ROBO2: variants seen among roughly 807,000 people sequenced by gnomAD.
ROBO2 encodes roundabout guidance receptor 2.
Under a neutral mutation model 160.8 loss-of-function variants are expected in ROBO2, and 53 were observed. The observed-to-expected ratio is 0.33, with a 90% confidence interval of 0.26 to 0.41. ROBO2 has a LOEUF of 0.41. ROBO2 is among the 10% of genes least tolerant of loss of function. ROBO2 has a pLI of 1.00. For synonymous variants in ROBO2, 664 were observed against 611.7 expected (o/e 1.09, Z -1.26); for missense variants, 1,577 against 1,722.4 (o/e 0.92, Z 1.49).
intron 2 of ROBO2, among the ~76,000 whole-genome samples, chr3:76,330,370 G>T (rs2073390465): frequency 6.6e-6 from 1 of 152,110 alleles, no homozygotes; most frequent in Non-Finnish European, 1.5e-5. Context: ...CCATTAAATA[G>T]CATTTTTGAT....
intron 2 of ROBO2, among the ~76,000 whole-genome samples, chr3:76,225,255 G>A (rs1195345618): frequency 2.0e-5 from 3 of 152,026 alleles, no homozygotes; most frequent in Non-Finnish European, 4.4e-5. Flanking sequence ...GCTTTCAGAA[G>A]TTTATTATGT....
intron 2 of ROBO2, among the ~76,000 whole-genome samples, chr3:77,476,922 A>G (rs2084081998): frequency 6.6e-6 from 1 of 152,088 alleles, no homozygotes; most frequent in South Asian, 2.1e-4. Flanking sequence ...GTGTAATGAA[A>G]ACAGTGTGGA....
chr3:77,580,320 C>G (rs182639546), intron 16 of ROBO2, among the ~76,000 whole-genome samples: 2 of 151,992 alleles, frequency 1.3e-5, no homozygotes, highest in African/African-American at 4.8e-5. Flanking sequence ...GTCCCAGAGC[C>G]TTATTAAAAT....
chr3:76,300,549 A>T (rs1404103519), intron 2 of ROBO2, among the ~76,000 whole-genome samples: 1 of 151,924 alleles, frequency 6.6e-6, no homozygotes, highest in Non-Finnish European at 1.5e-5. Context: ...GACTAATGGG[A>T]AGCTATTTTG....
intron 2 of ROBO2, among the ~76,000 whole-genome samples, chr3:76,235,249 A>G (rs1189049112): frequency 6.6e-6 from 1 of 152,174 alleles, no homozygotes. Context: ...ATTTAGACAC[A>G]GAAACCTCCC....
intron 2 of ROBO2, among the ~76,000 whole-genome samples, chr3:77,215,827 G>C (rs1422618071): frequency 2.6e-5 from 4 of 152,202 alleles, no homozygotes; most frequent in African/African-American, 7.2e-5. Flanking sequence ...AGGTCTGTTG[G>C]AGTTTGCTGG....
chr3:76,403,062 A>C (rs2077933152), intron 2 of ROBO2, among the ~76,000 whole-genome samples: 1 of 151,642 alleles, frequency 6.6e-6, no homozygotes, highest in Non-Finnish European at 1.5e-5. Context: ...TGCGTGATTC[A>C]TTCTAGATAC....
intron 7 of ROBO2, among the ~76,000 whole-genome samples, chr3:77,546,708 A>G (rs1391930656): frequency 3.9e-5 from 6 of 152,102 alleles, no homozygotes; most frequent in Non-Finnish European, 5.9e-5. Flanking sequence ...GTGTAACAAA[A>G]TTATCGTTAA....
intron 2 of ROBO2, among the ~76,000 whole-genome samples, chr3:77,212,052 C>A (rs1407415362): frequency 6.6e-6 from 1 of 152,024 alleles, no homozygotes; most frequent in Non-Finnish European, 1.5e-5. Context: ...TGACTTGGCA[C>A]TGCAGGCTCT....
At chr3:77,616,118 G>A (rs1435355504) in intron 21 of ROBO2, among the ~76,000 whole-genome samples, 2 of 152,130 alleles carry the variant, frequency 1.3e-5, no homozygotes, top group African/African-American at 4.8e-5. Context: ...CACAATATAA[G>A]TATTATGGAA....
At chr3:77,541,184 C>T (rs886245082) in intron 6 of ROBO2, among the ~76,000 whole-genome samples, 2 of 152,282 alleles carry the variant, frequency 1.3e-5, no homozygotes, top group South Asian at 2.1e-4. Context: ...TATGAATGTA[C>T]GTAGCTGTTG....
chr3:76,985,358 A>C (rs1018712999), intron 2 of ROBO2, among the ~76,000 whole-genome samples: 1 of 151,892 alleles, frequency 6.6e-6, no homozygotes, highest in African/African-American at 2.4e-5. Context: ...CAAGGTGGGA[A>C]GATCACGAGG....
At chr3:76,803,433 G>GAGGAAGGATGGAGGAAGGA (rs2064391260) in intron 2 of ROBO2, among the ~76,000 whole-genome samples, 1 of 128,608 alleles carries the variant, frequency 7.8e-6, no homozygotes, top group East Asian at 2.5e-4. Context: ...TACAAAAGAG[G>GAGGAAGGATGGAGGAAGGA]AGGAAGGATG....
chr3:77,497,504 C>T (rs543589991), intron 5 of ROBO2, among the ~76,000 whole-genome samples: 1 of 152,156 alleles, frequency 6.6e-6, no homozygotes, highest in East Asian at 1.9e-4. Flanking sequence ...GGTAAGTTAA[C>T]TGTTATCAGT....
intron 2 of ROBO2, among the ~76,000 whole-genome samples, chr3:77,458,046 CA>C (rs2081866410): frequency 6.6e-6 from 1 of 152,108 alleles, no homozygotes; most frequent in African/African-American, 2.4e-5. Context: ...TGCTAAATGC[CA>C]AAAAACTATT....
At chr3:77,201,642 T>C (rs927462651) in intron 2 of ROBO2, among the ~76,000 whole-genome samples, 13 of 152,348 alleles carry the variant, frequency 8.5e-5, no homozygotes, top group Middle Eastern at 3.4e-3. Context: ...CCTTTCACTG[T>C]ATGTGACATT....
intron 2 of ROBO2, among the ~76,000 whole-genome samples, chr3:76,106,967 T>C (rs965380209): frequency 1.3e-5 from 2 of 152,090 alleles, no homozygotes; most frequent in African/African-American, 4.8e-5. Flanking sequence ...ATATCCTCTT[T>C]GTGTAGGTGT....
rs567137190 is a variant in ROBO2, at chr3:76,211,750, G to T, written c.109+274148G>T. Reference sequence around the variant, plus strand: ...ACACTGTTTTATTTCATAATTTAAAGATTCTGTCTTTCAATGATGGATAAA... The same window carrying T: ...ACACTGTTTTATTTCATAATTTAAATATTCTGTCTTTCAATGATGGATAAA... On this transcript the variant is annotated intron_variant, in intron 2 of 26. Transcript: ENST00000487694. 2.6e-5 allele frequency among the ~76,000 whole-genome samples: 4 copies of T among 152,094 alleles called. No homozygotes were observed. The East Asian group carries it at 7.7e-4, about 29-fold the overall frequency.
intron 2 of ROBO2, among the ~76,000 whole-genome samples, chr3:76,904,770 C>A (rs974336445): frequency 6.6e-6 from 1 of 152,118 alleles, no homozygotes. Flanking sequence ...GCCTTTCCCA[C>A]GCAAAGAACA....
Sources: gnomAD v4.1 joint callset for allele counts (sites outside exome capture counted in the v4.1 genomes callset) on GRCh38, gnomAD v4.1.1 for gene constraint, MANE v1.5 for transcripts, NCBI Gene and HGNC (gene_info 2026-07-23, HGNC 2026-07-21) for gene names.